COL9A1: variants seen among roughly 807,000 people sequenced by gnomAD.
COL9A1 encodes collagen type IX alpha 1 chain.
A neutral mutation model predicts 142.6 loss-of-function variants in COL9A1; 104 were observed. The observed-to-expected ratio is 0.73, with a 90% CI of 0.62 to 0.86. The LOEUF (loss-of-function observed/expected upper bound fraction) is 0.86. Ranked by LOEUF, COL9A1 falls within the 40% of genes least tolerant of loss-of-function variation. COL9A1 has a pLI of 0.00. For missense variants in COL9A1, 1,210 were observed against 1,176.6 expected (o/e 1.03, Z -0.42); for synonymous variants, 466 against 396.0 (o/e 1.18, Z -2.10).
chr6:70,243,491 A>C (rs1770398068), intron 28 of COL9A1, among the ~76,000 whole-genome samples: 1 of 152,198 alleles, frequency 6.6e-6, no homozygotes, highest in Non-Finnish European at 1.5e-5. Context: ...TGAGAACTTC[A>C]TACAATTTTA....
intron 37 of COL9A1, among the ~76,000 whole-genome samples, chr6:70,219,532 C>A (rs1332548838): frequency 1.3e-5 from 2 of 152,160 alleles, no homozygotes; most frequent in African/African-American, 2.4e-5. Context: ...AAGAAACAAG[C>A]CTGGATTAAG....
intron 37 of COL9A1, among the ~76,000 whole-genome samples, chr6:70,225,069 A>G (rs1769136836): frequency 6.6e-6 from 1 of 152,166 alleles, no homozygotes; most frequent in Non-Finnish European, 1.5e-5. Flanking sequence ...AGTTTTCCCA[A>G]ACCATTGTGG....
chr6:70,261,553 C>G (rs1211891975), intron 19 of COL9A1, among the ~76,000 whole-genome samples: 1 of 152,204 alleles, frequency 6.6e-6, no homozygotes, highest in Non-Finnish European at 1.5e-5. Flanking sequence ...GCATTTCCCT[C>G]TTCTTCTCAC....
chr6:70,229,011 AT>A (rs1333007232), intron 36 of COL9A1, among the ~76,000 whole-genome samples: 1 of 152,158 alleles, frequency 6.6e-6, no homozygotes, highest in Non-Finnish European at 1.5e-5. Flanking sequence ...AAGATTATAA[AT>A]TAAAGTGTGG....
intron 12 of COL9A1, among the ~76,000 whole-genome samples, chr6:70,272,358 C>A (rs1001654517): frequency 6.6e-5 from 10 of 151,880 alleles, no homozygotes; most frequent in Non-Finnish European, 1.3e-4. Context: ...AGTAAAGAAG[C>A]CTTCCATGCT....
chr6:70,279,114 TC>T (rs1304270794), intron 10 of COL9A1, among the ~76,000 whole-genome samples: 2 of 152,236 alleles, frequency 1.3e-5, no homozygotes, highest in African/African-American at 4.8e-5. Context: ...TCAGAAATTT[TC>T]TTTTCATCCA....
intron 35 of COL9A1, among the ~76,000 whole-genome samples, chr6:70,233,737 A>G (rs568325448): frequency 6.6e-6 from 1 of 152,258 alleles, no homozygotes; most frequent in African/African-American, 2.4e-5. Context: ...TTTCAAATAT[A>G]GAAGTGAATG....
chr6:70,271,552 T>A, intron 14 of COL9A1, 103 bp downstream of exon 14: 1 of 905,782 alleles, frequency 1.1e-6, no homozygotes. Flanking sequence ...TCTGCCATGT[T>A]TTGGTTTGCA....
intron 5 of COL9A1, among the ~76,000 whole-genome samples, chr6:70,293,626 C>G (rs974451655): frequency 1.5e-5 from 2 of 137,464 alleles, no homozygotes; most frequent in East Asian, 2.1e-4. Context: ...CTCTCTCTCT[C>G]TCTTTCACAC....
chr6:70,283,308 C>G, intron 6 of COL9A1: 1 of 1,278,946 alleles, frequency 7.8e-7, no homozygotes, highest in Admixed American at 2.9e-5. Flanking sequence ...CGCCCTTAAC[C>G]CCTTCCCTGC....
At chr6:70,238,757 C>T (rs1583231424) in intron 33 of COL9A1, among the ~76,000 whole-genome samples, 1 of 152,310 alleles carries the variant, frequency 6.6e-6, no homozygotes, top group East Asian at 1.9e-4. Flanking sequence ...AATCCATTTA[C>T]ACAGTGGTGA....
rs917248083 is a variant in COL9A1, at chr6:70,283,343, C to T, written c.780+394G>A. On this transcript the variant is annotated intron_variant, in intron 6 of 37. Coordinates refer to ENST00000357250, the MANE Select transcript of COL9A1 (RefSeq NM_001851.6). The stretch of plus-strand genomic sequence containing the variant: ...CCGCCGCACAGGCGAGGACTGAGCA[C>T]GCAGCTCTGCCTCCATCCCATCCAC... 9.8e-6 allele frequency: 10 copies of T among 1,018,888 alleles called. No individual in the cohort carries two copies. The African/African-American group carries it at 1.6e-4, about 17-fold the overall frequency. The allele number at this position is 1,018,888 out of a possible 1,614,324, so 63.1% of individuals were successfully genotyped here.
intron 24 of COL9A1, 28 bp downstream of exon 24, chr6:70,254,935 C>G: frequency 1.2e-6 from 2 of 1,609,594 alleles, no homozygotes; most frequent in Non-Finnish European, 1.7e-6. Context: ...CAGCCCCACT[C>G]ACTCTTGGAG....
At position 70,262,405 on chromosome 6, in the gene COL9A1, C is replaced by A. The variant is rs190103245; in HGVS notation, c.1395+839G>T. 3.1e-3 allele frequency among the ~76,000 whole-genome samples: 470 copies of A among 152,280 alleles called. 1 individual carries two copies. The highest frequency in any genetic ancestry group is 0.01 in the African/African-American group (436 of 41,550). ...TTCCCTTACACTTTAAATTCCCTTA[C>A]ACATTAATCTGCACAGCTCGCTGAA... is the stretch of plus-strand genomic sequence containing the variant. On this transcript the variant is annotated intron_variant, in intron 19 of 37. Transcript: ENST00000357250.
intron 5 of COL9A1, among the ~76,000 whole-genome samples, chr6:70,284,657 A>C (rs1342692170): frequency 6.6e-6 from 1 of 152,182 alleles, no homozygotes; most frequent in Non-Finnish European, 1.5e-5. Flanking sequence ...AAGGCAAAAA[A>C]AATTAAAATG....
Position 70,252,095 on chromosome 6 carries a change from G to C in COL9A1, c.1872+25C>G, listed in dbSNP as rs1436778791. 4 of 1,612,366 alleles carry C rather than the reference G, an allele frequency of 2.5e-6. No homozygotes were observed. The East Asian group carries it at 6.7e-5, about 27-fold the overall frequency. The stretch of plus-strand genomic sequence containing the variant: ...AGCAAAGTCCTGAGAAGGTGCTTTA[G>C]GAAAGAACAGCAAGGAATACTCACA... On this transcript the variant is annotated intron_variant, in intron 28 of 37. Transcript: ENST00000357250.
At chr6:70,259,420 C>T (rs1338590754) in intron 20 of COL9A1, among the ~76,000 whole-genome samples, 1 of 152,082 alleles carries the variant, frequency 6.6e-6, no homozygotes, top group African/African-American at 2.4e-5. Context: ...TCCTAACATC[C>T]AAGAAGTGGT....
At chr6:70,254,384 C>A in intron 25 of COL9A1, 92 bp downstream of exon 25, 1 of 1,125,562 alleles carries the variant, frequency 8.9e-7, no homozygotes, top group Non-Finnish European at 1.3e-6. Flanking sequence ...TTCCCCAGAA[C>A]TTATCAGATT....
At chr6:70,299,387 A>C (rs1373527578) in intron 4 of COL9A1, among the ~76,000 whole-genome samples, 5 of 152,092 alleles carry the variant, frequency 3.3e-5, no homozygotes, top group African/African-American at 1.2e-4. Flanking sequence ...CATAATCATA[A>C]ATAAGGTATT....
Sources: gnomAD v4.1 joint callset for allele counts (sites outside exome capture counted in the v4.1 genomes callset) on GRCh38, gnomAD v4.1.1 for gene constraint, MANE v1.5 for transcripts, NCBI Gene and HGNC (gene_info 2026-07-23, HGNC 2026-07-21) for gene names.